ERBB4: variants seen among roughly 807,000 people sequenced by gnomAD.
ERBB4 encodes the protein receptor tyrosine-protein kinase erbB-4.
A neutral mutation model predicts 158.0 loss-of-function variants in ERBB4; 42 were observed. That is an observed-to-expected ratio of 0.27 (90% CI 0.21 to 0.34). The LOEUF (loss-of-function observed/expected upper bound fraction) is 0.34. ERBB4 is among the 10% of genes least tolerant of loss of function. The pLI, the probability that ERBB4 is intolerant of heterozygous loss-of-function variation, is 1.00. For missense variants in ERBB4, 1,333 were observed against 1,624.1 expected (o/e 0.82, Z 3.08); for synonymous variants, 583 against 558.7 (o/e 1.04, Z -0.61).
chr2:211,876,949 G>A (rs576875895), intron 3 of ERBB4, among the ~76,000 whole-genome samples: 11 of 152,100 alleles, frequency 7.2e-5, no homozygotes, highest in East Asian at 1.9e-4. Context: ...CATTGTTCCC[G>A]TTCAAATACT....
At chr2:211,520,138 T>C (rs969972017) in intron 20 of ERBB4, among the ~76,000 whole-genome samples, 1 of 152,176 alleles carries the variant, frequency 6.6e-6, no homozygotes, top group African/African-American at 2.4e-5. Flanking sequence ...TTGAAAGGTA[T>C]GTAATGTGCT....
chr2:212,402,938 A>G (rs1255018762), intron 1 of ERBB4, among the ~76,000 whole-genome samples: 1 of 152,082 alleles, frequency 6.6e-6, no homozygotes, highest in Non-Finnish European at 1.5e-5. Flanking sequence ...CTTTGTTATA[A>G]TTGTTTCCCA....
intron 2 of ERBB4, among the ~76,000 whole-genome samples, chr2:212,109,674 CT>C (rs1489423109): frequency 6.6e-6 from 1 of 152,170 alleles, no homozygotes; most frequent in Admixed American, 6.5e-5. Context: ...TCTTCTATCC[CT>C]TTAGCAGCAT....
intron 1 of ERBB4, among the ~76,000 whole-genome samples, chr2:212,457,153 A>T (rs531493870): frequency 6.6e-6 from 1 of 152,180 alleles, no homozygotes; most frequent in South Asian, 2.1e-4. Flanking sequence ...TGTTTGTATA[A>T]ATCATTCCTA....
chr2:211,758,850 C>T (rs945084902), intron 4 of ERBB4, among the ~76,000 whole-genome samples: 1 of 152,194 alleles, frequency 6.6e-6, no homozygotes, highest in African/African-American at 2.4e-5. Context: ...GATATATTAA[C>T]TCATTTAATC....
chr2:212,453,323 T>C (rs1015381287), intron 1 of ERBB4, among the ~76,000 whole-genome samples: 2 of 152,138 alleles, frequency 1.3e-5, no homozygotes, highest in Non-Finnish European at 1.5e-5. Context: ...CAAAAAGAGA[T>C]GCTCAAAGGC....
chr2:212,323,731 T>C (rs545335711), intron 1 of ERBB4, among the ~76,000 whole-genome samples: 36 of 150,766 alleles, frequency 2.4e-4, no homozygotes, highest in Non-Finnish European at 4.8e-4. Context: ...CTTTTTAGAA[T>C]ATCGGTTATT....
rs141894775 is a variant in ERBB4, at chr2:211,824,030, G to A, written c.422-35871C>T. Among the ~76,000 whole-genome samples, 601 of 152,098 alleles carry A rather than the reference G, an allele frequency of 4.0e-3. 5 individuals carry two copies. Among genetic ancestry groups the A allele is most frequent in the African/African-American group, 0.014 (572 of 41,522 alleles). ...TGCAGAATGGTGATTTAGGCTCCCC[G>A]ACTCTGTCCAGGCTTGGGCATGGAG... On this transcript the variant is annotated intron_variant, in intron 3 of 27. Transcript: ENST00000342788.
At chr2:211,650,028 T>A (rs1458497782) in intron 16 of ERBB4, among the ~76,000 whole-genome samples, 1 of 151,950 alleles carries the variant, frequency 6.6e-6, no homozygotes, top group Non-Finnish European at 1.5e-5. Flanking sequence ...GAAAAAGGCA[T>A]GAAGAGAGCA....
chr2:211,601,835 A>G (rs1427766842), intron 19 of ERBB4, among the ~76,000 whole-genome samples: 3 of 152,094 alleles, frequency 2.0e-5, no homozygotes, highest in Non-Finnish European at 2.9e-5. Context: ...GAGGGAGGCA[A>G]AAGAAAATAA....
Position 211,886,625 on chromosome 2 carries a change from A to T in ERBB4, c.421+60805T>A, listed in dbSNP as rs866803102. Among the ~76,000 whole-genome samples, 6 of 152,372 alleles carry T rather than the reference A, an allele frequency of 3.9e-5. No homozygotes were observed. In the Middle Eastern group the frequency reaches 0.017, roughly 432 times the overall value. The stretch of plus-strand genomic sequence containing the variant: ...CAGGAACGAAAATAGAAGGTATCTT[A>T]CAAGTTTCACATGGCATCTTGGGGA... On this transcript the variant is annotated intron_variant, in intron 3 of 27. Coordinates refer to ENST00000342788, the MANE Select transcript of ERBB4 (RefSeq NM_005235.3).
chr2:212,380,456 CTGTGTGTGTGTGTG>C (rs6147158), intron 1 of ERBB4, among the ~76,000 whole-genome samples: 1 of 143,058 alleles, frequency 7.0e-6, no homozygotes, highest in African/African-American at 2.6e-5. Flanking sequence ...AGGAATGACT[CTGTGTGTGTGTGTG>C]TGTGTGTGTG....
intron 1 of ERBB4, among the ~76,000 whole-genome samples, chr2:212,357,591 A>T (rs1376798419): frequency 6.6e-6 from 1 of 151,784 alleles, no homozygotes; most frequent in Non-Finnish European, 1.5e-5. Flanking sequence ...ATGAAAATGT[A>T]CGTTTGCCCA....
At chr2:211,871,869 G>A (rs1284820670) in intron 3 of ERBB4, among the ~76,000 whole-genome samples, 3 of 152,000 alleles carry the variant, frequency 2.0e-5, no homozygotes, top group Admixed American at 1.3e-4. Context: ...ATATGTGCTC[G>A]CTGTGATAGA....
At chr2:212,517,197 T>G (rs1268437949) in intron 1 of ERBB4, among the ~76,000 whole-genome samples, 1 of 152,162 alleles carries the variant, frequency 6.6e-6, no homozygotes, top group Non-Finnish European at 1.5e-5. Flanking sequence ...TTCCTTTCTT[T>G]ATACAACATT....
chr2:211,940,948 C>A (rs1015146413), intron 3 of ERBB4, among the ~76,000 whole-genome samples: 1 of 152,142 alleles, frequency 6.6e-6, no homozygotes, highest in Non-Finnish European at 1.5e-5. Flanking sequence ...CCATTATAAT[C>A]TCTGATCCCT....
intron 2 of ERBB4, among the ~76,000 whole-genome samples, chr2:212,015,689 A>G (rs73083319): frequency 0.026 from 3,998 of 152,194 alleles, 69 homozygotes; most frequent in Middle Eastern, 0.041. Flanking sequence ...ATATCACTCA[A>G]TGCATCAACT....
chr2:212,408,743 A>G (rs1235495450), intron 1 of ERBB4, among the ~76,000 whole-genome samples: 1 of 152,198 alleles, frequency 6.6e-6, no homozygotes, highest in African/African-American at 2.4e-5. Flanking sequence ...AGTCATGAAT[A>G]TTAGGATTTT....
chr2:211,488,753 T>C (rs572817134), intron 20 of ERBB4, among the ~76,000 whole-genome samples: 15 of 152,168 alleles, frequency 9.9e-5, no homozygotes, highest in African/African-American at 3.6e-4. Context: ...AAATAATAAA[T>C]TGGCAATATT....
Sources: gnomAD v4.1 joint callset for allele counts (sites outside exome capture counted in the v4.1 genomes callset) on GRCh38, gnomAD v4.1.1 for gene constraint, MANE v1.5 for transcripts, NCBI Gene and HGNC (gene_info 2026-07-23, HGNC 2026-07-21) for gene names.